PRR14L: variants seen among roughly 807,000 people sequenced by gnomAD.
PRR14L encodes the protein protein PRR14L.
Under a neutral mutation model 155.0 loss-of-function variants are expected in PRR14L, and 80 were observed. The observed-to-expected ratio is 0.52, with a 90% CI of 0.43 to 0.62. The LOEUF is 0.62. Among genes scored for constraint, PRR14L ranks in the 20% least tolerant of loss-of-function variants. PRR14L has a pLI of 0.00. For missense variants in PRR14L, 2,469 were observed against 2,548.0 expected (o/e 0.97, Z 0.67); for synonymous variants, 883 against 916.0 (o/e 0.96, Z 0.65).
In PRR14L at chr22:31,685,534, C is replaced by T. The variant is rs1262828174; in HGVS notation, c.6449G>A (p.Gly2150Asp). ...AKEEEQEQSSGC is the reference protein window; with the variant it reads ...AKEEEQEQSSDC ...CTCAAACTGAATCGCTTCTCAACAG[C>T]CTGATGATTGTTCCTGCTCCTCTTC... The change falls in exon 9 of 9, where the codon GGC (glycine) becomes GAC (aspartate). Residue 2150 changes from glycine to aspartate, a missense_variant. Coordinates refer to ENST00000327423, the MANE Select transcript of PRR14L (RefSeq NM_173566.3). The T allele has an allele frequency of 1.3e-6, 2 of 1,549,552 alleles. No individual in the cohort carries two copies. Among genetic ancestry groups the T allele is most frequent in the Non-Finnish European group, 8.7e-7 (1 of 1,145,110 alleles).
At position 31,712,638 on chromosome 22, in the gene PRR14L, G is replaced by A; in HGVS notation, c.5201C>T (p.Ser1734Phe). ...KSSSSDCTTE[S>F]SRTFPEHCAP... ...ACAGTGCTCAGGAAAAGTCCTTGAG[G>A]ACTCAGTCGTGCAATCTGAGCTGGA... The change falls in exon 4 of 9, where the codon TCC becomes TTC. Residue 1734 changes from serine (S) to phenylalanine (F), a missense_variant. Transcript: ENST00000327423. The A allele has an allele frequency of 1.9e-6, 3 of 1,551,750 alleles. No homozygotes were observed. Among genetic ancestry groups the A allele is most frequent in the Non-Finnish European group, 2.6e-6 (3 of 1,146,996 alleles).
At chr22:31,745,809 T>A (rs1236504773) in intron 1 of PRR14L, among the ~76,000 whole-genome samples, 1 of 149,910 alleles carries the variant, frequency 6.7e-6, no homozygotes, top group Admixed American at 6.7e-5. Flanking sequence ...ATCGCGCCAT[T>A]GCACTTCAGC....
In PRR14L at chr22:31,738,889, T is replaced by G. The variant is rs1485217266; in HGVS notation, c.-29A>C. 7.2e-7 allele frequency: 1 copy of G among 1,385,968 alleles called. No individual in the cohort carries two copies. Among genetic ancestry groups the G allele is most frequent in the East Asian group, 2.5e-5 (1 of 39,900 alleles). The allele number at this position is 1,385,968 out of a possible 1,614,324, so 85.9% of individuals were successfully genotyped here. On this transcript the variant is annotated 5_prime_UTR_variant, in exon 2 of 9. Coordinates refer to ENST00000327423, the MANE Select transcript of PRR14L (RefSeq NM_173566.3). The stretch of plus-strand genomic sequence containing the variant: ...GACAGATGCAGATTATGGAGTCAAG[T>G]CTTTTACATCAAATGATTCACCCTG...
chr22:31,703,026 GGCT>G (rs991074820), intron 6 of PRR14L, among the ~76,000 whole-genome samples: 2 of 150,654 alleles, frequency 1.3e-5, no homozygotes, highest in African/African-American at 4.9e-5. Flanking sequence ...AGGTTGCCCA[GGCT>G]GCTATTGAAC....
At chr22:31,705,365 G>A (rs545840882) in intron 4 of PRR14L, among the ~76,000 whole-genome samples, 3 of 152,150 alleles carry the variant, frequency 2.0e-5, no homozygotes, top group South Asian at 2.1e-4. Context: ...AAATATTAGA[G>A]AGAAACCAAT....
intron 2 of PRR14L, among the ~76,000 whole-genome samples, chr22:31,734,174 T>C (rs1261345430): frequency 6.6e-6 from 1 of 152,112 alleles, no homozygotes; most frequent in African/African-American, 2.4e-5. Flanking sequence ...GGTTTCACCA[T>C]GTTGGCCAGG....
In PRR14L at chr22:31,725,117, TG is replaced by T. The variant is rs2074709474; in HGVS notation, c.547+420del. Among the ~76,000 whole-genome samples, 3 of 152,170 alleles carry T rather than the reference TG, an allele frequency of 2.0e-5. 1 individual carries two copies. The highest frequency in any genetic ancestry group is 2.0e-4 in the Admixed American group (3 of 15,274). On this transcript the variant is annotated intron_variant, in intron 3 of 8. Coordinates refer to ENST00000327423, the MANE Select transcript of PRR14L (RefSeq NM_173566.3). ...ACACACTCAAAAGAAAGGGACTTGC[TG>T]GGTGCGGTGGCTCATGCCTGTAATC...
rs565682430 is a variant in PRR14L, at chr22:31,681,502, T to G, written c.*4025A>C. Reference sequence around the variant, plus strand: ...ACAAATTTCATTGAACTACTGACCATGATAATATATAAACATGTCAGGCAG... The same window carrying G: ...ACAAATTTCATTGAACTACTGACCAGGATAATATATAAACATGTCAGGCAG... On this transcript the variant is annotated 3_prime_UTR_variant, in exon 9 of 9. Coordinates refer to ENST00000327423, the MANE Select transcript of PRR14L (RefSeq NM_173566.3). The G allele has an allele frequency of 3.9e-5, 6 of 152,166 alleles. No individual in the cohort carries two copies. In the East Asian group the frequency reaches 1.2e-3, roughly 29 times the overall value. The allele number at this position is 152,166 out of a possible 1,614,324, so 9.4% of individuals were successfully genotyped here.
intron 7 of PRR14L, among the ~76,000 whole-genome samples, chr22:31,694,363 C>A (rs2074524848): frequency 6.6e-6 from 1 of 151,940 alleles, no homozygotes; most frequent in African/African-American, 2.4e-5. Context: ...AGCTACCACG[C>A]CCGGCCAGCA....
At chr22:31,709,136 T>C (rs1483418209) in intron 4 of PRR14L, among the ~76,000 whole-genome samples, 2 of 152,112 alleles carry the variant, frequency 1.3e-5, no homozygotes, top group Admixed American at 6.5e-5. Context: ...ATGGGATTTA[T>C]TTCTCTAGGT....
In PRR14L at chr22:31,712,248, C is replaced by G. The variant is rs143043548; in HGVS notation, c.5591G>C (p.Arg1864Pro). Residue 1864 changes from arginine to proline, a missense_variant, in exon 4 of 9, where the codon CGG becomes CCG. By Grantham distance (103) the Arg-to-Pro change is moderately radical. Transcript: ENST00000327423. Reference protein sequence around the residue: ...TQFTQGLKGLRSPASIADKVF... With the variant: ...TQFTQGLKGLPSPASIADKVF... Reference sequence around the variant, plus strand: ...CTTGTCTGCTATGGAGGCTGGAGACCGTAACCCTTTCAGGCCCTGTGTAAA... The same window carrying G: ...CTTGTCTGCTATGGAGGCTGGAGACGGTAACCCTTTCAGGCCCTGTGTAAA... The G allele has an allele frequency of 5.0e-6, 8 of 1,614,112 alleles. No individual in the cohort carries two copies. Among genetic ancestry groups the G allele is most frequent in the Non-Finnish European group, 5.1e-6 (6 of 1,180,014 alleles).
chr22:31,737,724 A>T (rs1191064624), intron 2 of PRR14L, among the ~76,000 whole-genome samples: 2 of 151,970 alleles, frequency 1.3e-5, no homozygotes, highest in African/African-American at 4.8e-5. Context: ...AATTTCAAGC[A>T]CACATCGGCT....
At position 31,716,522 on chromosome 22, in the gene PRR14L, C is replaced by T; in HGVS notation, c.1317G>A (p.Lys439=). Residue 439 remains lysine, a synonymous_variant, in exon 4 of 9, where the codon AAG becomes AAA. Coordinates refer to ENST00000327423, the MANE Select transcript of PRR14L (RefSeq NM_173566.3). ...SGEKEPVVSP[K]ENIHNNCIQD... is the part of the protein sequence containing the mutation. Reference sequence around the variant, plus strand: ...GAATGCAGTTATTGTGGATATTTTCCTTTGGAGAAACAACAGGCTCTTTTT... The same window carrying T: ...GAATGCAGTTATTGTGGATATTTTCTTTTGGAGAAACAACAGGCTCTTTTT... 1 of 1,545,778 alleles carries T rather than the reference C, an allele frequency of 6.5e-7. No individual in the cohort carries two copies. The highest frequency in any genetic ancestry group is 8.7e-7 in the Non-Finnish European group (1 of 1,145,570).
In PRR14L at chr22:31,715,530, T is replaced by C; in HGVS notation, c.2309A>G (p.Gln770Arg). Residue 770 changes from glutamine to arginine, a missense_variant, in exon 4 of 9, where the codon CAA becomes CGA. Gln to Arg is a conservative substitution (Grantham distance 43, BLOSUM62 1). Transcript: ENST00000327423. ...SNKREAAGFP[Q>R]VVSVIECHSV... Reference sequence around the variant, plus strand: ...GTGACATTCTATGACAGAGACCACTTGAGGAAAGCCAGCTGCTTCTCTCTT... The same window carrying C: ...GTGACATTCTATGACAGAGACCACTCGAGGAAAGCCAGCTGCTTCTCTCTT... 3.2e-6 allele frequency: 5 copies of C among 1,552,222 alleles called. No homozygotes were observed. Among genetic ancestry groups the C allele is most frequent in the South Asian group, 1.2e-5 (1 of 84,066 alleles).
chr22:31,683,138 C>A lies in PRR14L; in HGVS notation c.*2389G>T, dbSNP rs1480773277. 1.3e-5 allele frequency: 2 copies of A among 152,292 alleles called. No homozygotes were observed. Among genetic ancestry groups the A allele is most frequent in the African/African-American group, 4.8e-5 (2 of 41,450 alleles). The allele number at this position is 152,292 out of a possible 1,614,324, so 9.4% of individuals were successfully genotyped here. A position where few individuals can be genotyped will look rare whatever the true frequency, so the allele number is the denominator to read the frequency against. ...ACATTGTCAGGACAGGGAAGGAGCCCAGCTCTGTTTCTTCCAGTCCTCTGC... is the reference window on the plus strand; with the variant it reads ...ACATTGTCAGGACAGGGAAGGAGCCAAGCTCTGTTTCTTCCAGTCCTCTGC... On this transcript the variant is annotated 3_prime_UTR_variant, in exon 9 of 9. Coordinates refer to ENST00000327423, the MANE Select transcript of PRR14L (RefSeq NM_173566.3).
chr22:31,692,720 C>G (rs772000187), intron 7 of PRR14L, among the ~76,000 whole-genome samples: 1 of 152,174 alleles, frequency 6.6e-6, no homozygotes, highest in Non-Finnish European at 1.5e-5. Flanking sequence ...CAGTTCACTG[C>G]AGCCTTGAAA....
intron 3 of PRR14L, among the ~76,000 whole-genome samples, chr22:31,722,431 AAAG>A (rs1447754667): frequency 1.4e-5 from 2 of 147,854 alleles, no homozygotes; most frequent in African/African-American, 5.3e-5. Flanking sequence ...AAAAAAAAAA[AAAG>A]AAAGAAAACT....
At chr22:31,718,486 C>T (rs2147866479) in intron 3 of PRR14L, among the ~76,000 whole-genome samples, 1 of 150,224 alleles carries the variant, frequency 6.7e-6, no homozygotes, top group East Asian at 2.0e-4. Context: ...GATCTCCTGA[C>T]CTCATGATCC....
intron 2 of PRR14L, among the ~76,000 whole-genome samples, chr22:31,733,797 C>T (rs1480357725): frequency 6.6e-6 from 1 of 151,884 alleles, no homozygotes; most frequent in Non-Finnish European, 1.5e-5. Context: ...ATCTGATAGT[C>T]AAAAAGCGAC....
Sources: gnomAD v4.1 joint callset for allele counts (sites outside exome capture counted in the v4.1 genomes callset) on GRCh38, gnomAD v4.1.1 for gene constraint, MANE v1.5 for transcripts, NCBI Gene and HGNC (gene_info 2026-07-23, HGNC 2026-07-21) for gene names.